The following RNF111 variants were observed in gnomAD, a reference collection of about 807,000 sequenced individuals.
RNF111 encodes the protein ring finger protein 111.
RNF111 carries 17 observed loss-of-function variants against 95.1 expected under a neutral mutation model. That is an observed-to-expected ratio of 0.18 (90% CI 0.12 to 0.27). The LOEUF (loss-of-function observed/expected upper bound fraction) is 0.27. Among genes scored for constraint, RNF111 ranks in the 10% least tolerant of loss-of-function variants. RNF111 has a pLI of 1.00. For missense variants in RNF111, 1,189 were observed against 1,210.4 expected (o/e 0.98, Z 0.26); for synonymous variants, 440 against 414.8 (o/e 1.06, Z -0.74).
chr15:59,017,420 A>T (rs887048202), intron 1 of RNF111, among the ~76,000 whole-genome samples: 7 of 152,310 alleles, frequency 4.6e-5, no homozygotes, highest in African/African-American at 1.7e-4. Flanking sequence ...ATTTCGAAAT[A>T]TGGTTTAATT....
In RNF111 at chr15:59,058,369, A is replaced by G. The variant is rs199895340; in HGVS notation, c.1185A>G (p.Val395=). ...LTVDEDEPTV[V]PTTSARMESQ... is the part of the protein sequence containing the mutation. Reference sequence around the variant, plus strand: ...TGTATTTTGTAGAACCTACTGTAGTACCAACCACTTCTGCAAGAATGGAAT... The same window carrying G: ...TGTATTTTGTAGAACCTACTGTAGTGCCAACCACTTCTGCAAGAATGGAAT... Residue 395 remains valine (V), a synonymous_variant, in exon 5 of 14, where the codon GTA becomes GTG. Coordinates refer to ENST00000348370, the MANE Select transcript of RNF111 (RefSeq NM_017610.8). 1.2e-6 allele frequency: 2 copies of G among 1,614,040 alleles called. No individual in the cohort carries two copies. Among genetic ancestry groups the G allele is most frequent in the East Asian group, 4.5e-5 (2 of 44,876 alleles).
intron 2 of RNF111, among the ~76,000 whole-genome samples, chr15:59,047,836 A>T (rs2041787484): frequency 6.6e-6 from 1 of 152,192 alleles, no homozygotes; most frequent in Admixed American, 6.5e-5. Context: ...CGGTCTCCCA[A>T]AGTGCTGGGA....
chr15:59,028,276 A>G (rs1251086817), intron 1 of RNF111, among the ~76,000 whole-genome samples: 4 of 152,128 alleles, frequency 2.6e-5, no homozygotes, highest in African/African-American at 7.2e-5. Context: ...TTTACTTAGC[A>G]TATTGTTTAT....
At chr15:58,990,386 G>A (rs193088018) in intron 1 of RNF111, among the ~76,000 whole-genome samples, 1 of 152,178 alleles carries the variant, frequency 6.6e-6, no homozygotes, top group Admixed American at 6.6e-5. Flanking sequence ...TGGGCCAGGC[G>A]TGGTGGCTCA....
chr15:59,025,034 C>T (rs1224078658), intron 1 of RNF111, among the ~76,000 whole-genome samples: 1 of 152,166 alleles, frequency 6.6e-6, no homozygotes, highest in Admixed American at 6.6e-5. Flanking sequence ...TTTCATTGTA[C>T]GTGTATATCA....
intron 2 of RNF111, among the ~76,000 whole-genome samples, chr15:59,032,272 T>G (rs2040948311): frequency 1.3e-5 from 2 of 152,186 alleles, no homozygotes; most frequent in Admixed American, 1.3e-4. Context: ...TTAGATTATA[T>G]TTTATGTATG....
Position 59,081,288 on chromosome 15 carries a change from T to G in RNF111, c.2297+4T>G. 6.2e-7 allele frequency: 1 copy of G among 1,607,678 alleles called. No individual in the cohort carries two copies. Among genetic ancestry groups the G allele is most frequent in the Middle Eastern group, 1.7e-4 (1 of 6,024 alleles). On this transcript the variant is annotated splice_donor_region_variant and intron_variant, in intron 8 of 13. Transcript: ENST00000348370. ...GGAGGATGATGCAGCATCCAACGTA[T>G]GTTTTACGTTTTTAAAAAGAAAGTC...
At chr15:59,071,026 G>T (rs1017229354) in intron 6 of RNF111, among the ~76,000 whole-genome samples, 1 of 152,084 alleles carries the variant, frequency 6.6e-6, no homozygotes, top group African/African-American at 2.4e-5. Context: ...GGCCGGGCGC[G>T]GTGGCTCACG....
intron 2 of RNF111, among the ~76,000 whole-genome samples, chr15:59,044,814 T>C (rs1413453823): frequency 6.6e-6 from 1 of 152,232 alleles, no homozygotes; most frequent in Admixed American, 6.5e-5. Context: ...ATTTTTGAAA[T>C]GTTTCCCTTT....
intron 1 of RNF111, among the ~76,000 whole-genome samples, chr15:58,989,933 A>G (rs1218463124): frequency 2.6e-5 from 4 of 151,986 alleles, no homozygotes; most frequent in Non-Finnish European, 4.4e-5. Context: ...CTTGAGGCAT[A>G]CTTATGTGCC....
chr15:59,027,037 G>C (rs1303973251), intron 1 of RNF111, among the ~76,000 whole-genome samples: 1 of 152,180 alleles, frequency 6.6e-6, no homozygotes, highest in Non-Finnish European at 1.5e-5. Flanking sequence ...TGATGGAAAA[G>C]AAATTGGGTT....
intron 3 of RNF111, 91 bp downstream of exon 3, chr15:59,052,522 A>G: frequency 3.3e-6 from 3 of 912,508 alleles, no homozygotes; most frequent in Non-Finnish European, 4.4e-6. Flanking sequence ...CTTTTTATTT[A>G]TTTATTTTTG....
intron 6 of RNF111, among the ~76,000 whole-genome samples, chr15:59,071,316 AAG>A (rs1188323531): frequency 1.3e-5 from 2 of 150,672 alleles, no homozygotes; most frequent in East Asian, 3.9e-4. Context: ...AAAAAAAAAA[AAG>A]AATACGAAGA....
At chr15:59,090,704 G>A (rs2079029250) in intron 11 of RNF111, among the ~76,000 whole-genome samples, 1 of 152,106 alleles carries the variant, frequency 6.6e-6, no homozygotes, top group African/African-American at 2.4e-5. Flanking sequence ...GATAACTTTT[G>A]CTGTACCATT....
In RNF111 at chr15:58,992,075, T is replaced by G. The variant is rs532137683; in HGVS notation, c.-20+4007T>G. Among the ~76,000 whole-genome samples the G allele has an allele frequency of 3.3e-5, 5 of 152,280 alleles. No individual in the cohort carries two copies. The East Asian group carries it at 7.7e-4, about 23-fold the overall frequency. ...TTTTATTTTATTTTGAGATGGAGTT[T>G]CCCTCGTTGCCCAAGCTGGAGTGCA... On this transcript the variant is annotated intron_variant, in intron 1 of 13. Transcript: ENST00000348370.
At chr15:59,060,424 T>C (rs1430679978) in intron 5 of RNF111, among the ~76,000 whole-genome samples, 1 of 151,660 alleles carries the variant, frequency 6.6e-6, no homozygotes, top group African/African-American at 2.4e-5. Flanking sequence ...GGCAACGTGG[T>C]GAAACCTTGT....
intron 3 of RNF111, among the ~76,000 whole-genome samples, chr15:59,055,320 ATTAAATGTGTAGGGTG>A (rs1287593219): frequency 1.3e-5 from 2 of 152,224 alleles, no homozygotes; most frequent in Admixed American, 1.3e-4. Flanking sequence ...TGTGGATATT[ATTAAATGTGTAGGGTG>A]TTATTTTTAT....
At chr15:59,018,850 A>G (rs1253595017) in intron 1 of RNF111, among the ~76,000 whole-genome samples, 3 of 152,172 alleles carry the variant, frequency 2.0e-5, no homozygotes, top group African/African-American at 7.2e-5. Context: ...AAAGGATGAA[A>G]AAAAGTTTGA....
rs747873243 is a variant in RNF111, at chr15:59,076,108, C to A, written c.1841C>A (p.Pro614His). 9 of 1,614,062 alleles carry A rather than the reference C, an allele frequency of 5.6e-6. No homozygotes were observed. In the Admixed American group the frequency reaches 1.0e-4, roughly 18 times the overall value. ...HQAAAAAPSQ[P>H]LSSIDGYGSS... ...GCCGCTGCTGCTGCCCCAAGTCAAC[C>A]TTTATCATCAATAGATGGCTATGGA... The change falls in exon 7 of 14, where the codon CCT becomes CAT. Residue 614 changes from proline (P) to histidine (H), a missense_variant. Pro to His is a moderately conservative substitution (Grantham distance 77). Coordinates refer to ENST00000348370, the MANE Select transcript of RNF111 (RefSeq NM_017610.8).
Sources: gnomAD v4.1 joint callset for allele counts (sites outside exome capture counted in the v4.1 genomes callset) on GRCh38, gnomAD v4.1.1 for gene constraint, MANE v1.5 for transcripts, NCBI Gene and HGNC (gene_info 2026-07-23, HGNC 2026-07-21) for gene names.